PHACTR3: variants seen among roughly 807,000 people sequenced by gnomAD.
PHACTR3 encodes protein phosphatase 1, regulatory subunit 123.
PHACTR3 carries 16 observed loss-of-function variants against 66.8 expected under a neutral mutation model. The ratio of observed to expected loss-of-function variants is 0.24; its 90% CI spans 0.16 to 0.36. The LOEUF (loss-of-function observed/expected upper bound fraction) is 0.36, where lower values mean the gene tolerates loss of function less well. Among genes scored for constraint, PHACTR3 ranks in the 10% least tolerant of loss-of-function variants. The probability of loss-of-function intolerance (pLI) is 1.00; values close to 1 mark genes in which losing one functional copy is unlikely to be tolerated. For missense variants in PHACTR3, 647 were observed against 719.9 expected (o/e 0.90, Z 1.16); for synonymous variants, 323 against 292.1 (o/e 1.11, Z -1.08).
At chr20:59,794,656 C>T (rs529639010) in intron 7 of PHACTR3, among the ~76,000 whole-genome samples, 1 of 152,284 alleles carries the variant, frequency 6.6e-6, no homozygotes, top group East Asian at 1.9e-4. Flanking sequence ...AGAAGTGAAG[C>T]AGTCAAGTCC....
At position 59,764,276 on chromosome 20, in the gene PHACTR3, C is replaced by A. The variant is rs896469945; in HGVS notation, c.542-2910C>A. Among the ~76,000 whole-genome samples the A allele has an allele frequency of 3.9e-5, 6 of 151,992 alleles. No homozygotes were observed. The South Asian group carries it at 8.3e-4, about 21-fold the overall frequency. On this transcript the variant is annotated intron_variant, in intron 4 of 12. Coordinates refer to ENST00000371015, the MANE Select transcript of PHACTR3 (RefSeq NM_080672.5). ...CTGGTATGAGGACACTGACCCCAGGCTGCCCTTCCTCCCTGGTATGAGGAC... is the reference window on the plus strand; with the variant it reads ...CTGGTATGAGGACACTGACCCCAGGATGCCCTTCCTCCCTGGTATGAGGAC...
chr20:59,695,813 A>G (rs1261917472), intron 1 of PHACTR3, among the ~76,000 whole-genome samples: 6 of 151,884 alleles, frequency 4.0e-5, no homozygotes, highest in Admixed American at 6.6e-5. Context: ...GCTAACTGCA[A>G]TGTCCACCTC....
chr20:59,662,049 G>GT (rs2035825716), intron 1 of PHACTR3, among the ~76,000 whole-genome samples: 1 of 152,164 alleles, frequency 6.6e-6, no homozygotes, highest in Non-Finnish European at 1.5e-5. Flanking sequence ...ACTTGTGCTT[G>GT]AAGGGCACTC....
rs531506739 is a variant in PHACTR3 at position 59,786,354 on chromosome 20, T to G, written c.1174+11864T>G. ...ATGGTGATCCCTCTGAGAATTACTT[T>G]GAGAACCTGACAACTCAATGATGTG... On this transcript the variant is annotated intron_variant, in intron 7 of 12. Transcript: ENST00000371015. 2.0e-5 allele frequency among the ~76,000 whole-genome samples: 3 copies of G among 152,332 alleles called. No homozygotes were observed. In the South Asian group the frequency reaches 6.2e-4, roughly 32 times the overall value.
intron 1 of PHACTR3, among the ~76,000 whole-genome samples, chr20:59,737,306 T>C (rs2038979982): frequency 6.6e-6 from 1 of 152,000 alleles, no homozygotes; most frequent in Non-Finnish European, 1.5e-5. Context: ...CTCGCGTCTG[T>C]GGGGATCCTG....
chr20:59,664,446 C>T (rs534154998), intron 1 of PHACTR3, among the ~76,000 whole-genome samples: 1 of 152,232 alleles, frequency 6.6e-6, no homozygotes, highest in African/African-American at 2.4e-5. Context: ...CCTGGAGGCT[C>T]CTCCAGGGCT....
intron 5 of PHACTR3, among the ~76,000 whole-genome samples, chr20:59,767,704 G>A (rs1383005933): frequency 6.6e-6 from 1 of 152,224 alleles, no homozygotes; most frequent in Non-Finnish European, 1.5e-5. Context: ...TCAAAGGGGG[G>A]ATCTTCCAGG....
Position 59,755,192 on chromosome 20 carries a change from CA to C in PHACTR3, c.373del (p.Thr125LeufsTer23). On this transcript the variant is annotated frameshift_variant, in exon 4 of 13. Coordinates refer to ENST00000371015, the MANE Select transcript of PHACTR3 (RefSeq NM_080672.5). LOFTEE classifies it high-confidence loss of function. ...TACATTTCCTTGTAGATGCTGAAAG[CA>C]AAACTTGCAACCCCGATGGAGGACC... ...LEMMEQDAES[K>X]TCNPDGGPRS... The C allele has an allele frequency of 6.2e-7, 1 of 1,612,314 alleles. No homozygotes were observed.
chr20:59,743,112 A>G lies in PHACTR3; in HGVS notation c.124A>G (p.Met42Val). 1.2e-6 allele frequency: 2 copies of G among 1,613,044 alleles called. No homozygotes were observed. The highest frequency in any genetic ancestry group is 1.7e-5 in the Admixed American group (1 of 59,906). Reference sequence around the variant, plus strand: ...CCTTGGTTTTCGTCTTCCAGATGAGATGGACCAAACGCCCCCGGCGCGTCC... The same window carrying G: ...CCTTGGTTTTCGTCTTCCAGATGAGGTGGACCAAACGCCCCCGGCGCGTCC... ...SADAGENPDE[M>V]DQTPPARPEY... Residue 42 changes from methionine (M) to valine (V), a missense_variant, in exon 2 of 13, where the codon ATG (methionine) becomes GTG (valine). Physicochemically the swap from Met to Val is conservative, Grantham distance 21. This residue lies in a region of PHACTR3 where 577 missense variants were observed against 571.1 expected (regional missense o/e 1.01). Transcript: ENST00000371015.
intron 8 of PHACTR3, among the ~76,000 whole-genome samples, chr20:59,834,703 G>A (rs934773308): frequency 3.9e-5 from 6 of 152,142 alleles, no homozygotes; most frequent in African/African-American, 1.4e-4. Context: ...TCAGCGAAAT[G>A]TATCTCTGCC....
In PHACTR3 at chr20:59,806,067, G is replaced by A. The variant is rs2041558208; in HGVS notation, c.1201G>A (p.Glu401Lys). ...AACACTGCCACGGAAATGCAAGAAGGAGCTCCTGGCCGTGAAGCTAAGGAA... is the reference window on the plus strand; with the variant it reads ...AACACTGCCACGGAAATGCAAGAAGAAGCTCCTGGCCGTGAAGCTAAGGAA... Reference protein sequence around the residue: ...SGTLPRKCKKELLAVKLRNRP... With the variant: ...SGTLPRKCKKKLLAVKLRNRP... The change falls in exon 8 of 13, where the codon GAG (glutamate) becomes AAG (lysine). Residue 401 changes from glutamate (E) to lysine (K), a missense_variant. By Grantham distance (56) the Glu-to-Lys change is moderately conservative. Transcript: ENST00000371015. 6.2e-7 allele frequency: 1 copy of A among 1,614,120 alleles called. No individual in the cohort carries two copies. Among genetic ancestry groups the A allele is most frequent in the Non-Finnish European group, 8.5e-7 (1 of 1,179,996 alleles).
In PHACTR3 at chr20:59,662,152, C is replaced by A. The variant is rs1014872379; in HGVS notation, c.118+57020C>A. On this transcript the variant is annotated intron_variant, in intron 1 of 12. Transcript: ENST00000371015. ...ACTGTGTTCCAGGCACCGCACAGGG[C>A]ACTAGGATTCTGGTGGTGAACAAGA... is the stretch of plus-strand genomic sequence containing the variant. 2.6e-5 allele frequency among the ~76,000 whole-genome samples: 4 copies of A among 152,320 alleles called. No homozygotes were observed. In the East Asian group the frequency reaches 5.8e-4, roughly 22 times the overall value.
intron 1 of PHACTR3, among the ~76,000 whole-genome samples, chr20:59,652,086 G>GGA (rs2146452682): frequency 6.6e-6 from 1 of 152,288 alleles, no homozygotes; most frequent in African/African-American, 2.4e-5. Flanking sequence ...TCTAAGGGCA[G>GGA]GAGAAGGTCC....
chr20:59,615,388 G>C (rs2033992041), intron 1 of PHACTR3, among the ~76,000 whole-genome samples: 1 of 152,210 alleles, frequency 6.6e-6, no homozygotes, highest in East Asian at 1.9e-4. Context: ...CATGGAGCAT[G>C]GTGTGAGGGT....
chr20:59,656,518 C>T (rs2035626293), intron 1 of PHACTR3, among the ~76,000 whole-genome samples: 1 of 151,862 alleles, frequency 6.6e-6, no homozygotes, highest in Non-Finnish European at 1.5e-5. Context: ...TTACTTCAAA[C>T]TGTTTGTATC....
intron 8 of PHACTR3, among the ~76,000 whole-genome samples, chr20:59,821,070 T>C (rs1239331689): frequency 6.6e-6 from 1 of 152,192 alleles, no homozygotes; most frequent in Admixed American, 6.5e-5. Flanking sequence ...ACCCATGTTA[T>C]GTATGAGGGG....
chr20:59,802,886 T>C (rs986054759), intron 7 of PHACTR3, among the ~76,000 whole-genome samples: 1 of 152,230 alleles, frequency 6.6e-6, no homozygotes, highest in African/African-American at 2.4e-5. Context: ...AAGAGTTCCA[T>C]AGGGTATTAC....
chr20:59,701,816 C>G (rs1022899351), intron 1 of PHACTR3, among the ~76,000 whole-genome samples: 2 of 152,210 alleles, frequency 1.3e-5, no homozygotes, highest in Admixed American at 1.3e-4. Flanking sequence ...AATGTATTCA[C>G]CATTACAGTA....
At chr20:59,597,141 G>A (rs2033348745) in intron 1 of PHACTR3, among the ~76,000 whole-genome samples, 1 of 152,226 alleles carries the variant, frequency 6.6e-6, no homozygotes, top group Non-Finnish European at 1.5e-5. Context: ...TGGAAAGAAT[G>A]TAGGAGCCCT....
Sources: allele counts gnomAD v4.1 joint callset (sites outside exome capture counted in the v4.1 genomes callset), GRCh38; gene constraint gnomAD v4.1.1; regional missense constraint gnomAD v4.1.1; transcripts MANE v1.5; gene names NCBI Gene and HGNC (gene_info 2026-07-23, HGNC 2026-07-21).